CDH13: variants seen among roughly 807,000 people sequenced by gnomAD.
CDH13 encodes cadherin-13.
CDH13 carries 24 observed loss-of-function variants against 63.8 expected under a neutral mutation model. The observed-to-expected ratio is 0.38, with a 90% confidence interval of 0.27 to 0.53. The LOEUF (loss-of-function observed/expected upper bound fraction) is 0.53. Among genes scored for constraint, CDH13 ranks in the 20% least tolerant of loss-of-function variants. The pLI is 0.85. For synonymous variants in CDH13, 503 were observed against 355.3 expected, an observed-to-expected ratio of 1.42 and a Z score of -4.67; for missense variants, 1,049 against 903.1, an observed-to-expected ratio of 1.16 and a Z score of -2.07.
intron 2 of CDH13, among the ~76,000 whole-genome samples, chr16:83,014,749 T>A (rs1384166191): frequency 0.046 from 1,509 of 32,580 alleles, 63 homozygotes; most frequent in South Asian, 0.069. Context: ...AAAAAATATA[T>A]ATATATATAT....
intron 7 of CDH13, among the ~76,000 whole-genome samples, chr16:83,538,326 G>C (rs549648041): frequency 6.6e-6 from 1 of 152,148 alleles, no homozygotes; most frequent in Admixed American, 6.5e-5. Flanking sequence ...AGTCATCACT[G>C]TCCCCTGAAG....
intron 2 of CDH13, among the ~76,000 whole-genome samples, chr16:82,887,996 A>T (rs983692378): frequency 2.6e-5 from 4 of 152,166 alleles, no homozygotes; most frequent in African/African-American, 2.4e-5. Context: ...ACACACTGTT[A>T]CTTCAGAAAA....
intron 2 of CDH13, among the ~76,000 whole-genome samples, chr16:82,899,742 T>G (rs1392096541): frequency 6.6e-6 from 1 of 152,114 alleles, no homozygotes; most frequent in Non-Finnish European, 1.5e-5. Context: ...GTGGACACAT[T>G]CCTTTGTCAA....
chr16:83,692,130 G>A (rs1257834549), intron 10 of CDH13, among the ~76,000 whole-genome samples: 2 of 152,186 alleles, frequency 1.3e-5, no homozygotes, highest in Non-Finnish European at 2.9e-5. Flanking sequence ...TGCCCTGTGT[G>A]TGCAATTACC....
intron 2 of CDH13, among the ~76,000 whole-genome samples, chr16:82,925,576 G>A (rs1378277085): frequency 1.3e-5 from 2 of 152,192 alleles, no homozygotes; most frequent in Non-Finnish European, 2.9e-5. Context: ...AGCCATTGTG[G>A]CAGATGAAGA....
rs556880362 is a variant in CDH13 at position 82,862,868 on chromosome 16, C to T, written c.157+4395C>T. ...GCCCTCCATGCAAGAACCTGATGGC[C>T]GAGGCTACTTCCAACTTGGTCCTAC... On this transcript the variant is annotated intron_variant, in intron 2 of 13. Transcript: ENST00000567109. 5.3e-5 allele frequency among the ~76,000 whole-genome samples: 8 copies of T among 152,268 alleles called. No homozygotes were observed. The East Asian group carries it at 1.2e-3, about 22-fold the overall frequency.
At chr16:83,708,073 A>T (rs1007113393) in intron 10 of CDH13, among the ~76,000 whole-genome samples, 1 of 152,140 alleles carries the variant, frequency 6.6e-6, no homozygotes, top group Non-Finnish European at 1.5e-5. Context: ...AGGCTCTTCC[A>T]GCCAGCAGTG....
At chr16:83,770,949 C>T (rs1173117499) in intron 11 of CDH13, among the ~76,000 whole-genome samples, 1 of 152,168 alleles carries the variant, frequency 6.6e-6, no homozygotes, top group Non-Finnish European at 1.5e-5. Flanking sequence ...TACCCAGCAC[C>T]TATTCAAGAT....
intron 2 of CDH13, among the ~76,000 whole-genome samples, chr16:82,983,873 G>A (rs544129379): frequency 1.2e-4 from 18 of 152,312 alleles, no homozygotes; most frequent in East Asian, 1.2e-3. Flanking sequence ...TCAGCAGAGG[G>A]AAAAATGGGT....
chr16:83,693,297 A>T (rs1401274136), intron 10 of CDH13, among the ~76,000 whole-genome samples: 1 of 152,220 alleles, frequency 6.6e-6, no homozygotes, highest in Non-Finnish European at 1.5e-5. Flanking sequence ...ACAGAATAAA[A>T]GAATTCAGGG....
rs1555507119 is a variant in CDH13, at chr16:83,634,115, T to TGTG, written c.1101+31521_1101+31522insGTG. Among the ~76,000 whole-genome samples, 17 of 135,680 alleles carry TGTG rather than the reference T, an allele frequency of 1.3e-4. 1 individual carries two copies. The Admixed American group carries it at 1.3e-3, about 10-fold the overall frequency. 89.0% of individuals were successfully genotyped at this position (135,680 alleles called of 152,430 possible). A position where few individuals can be genotyped will look rare whatever the true frequency, so the allele number is the denominator to read the frequency against. ...AAGTCTCCACCCATTTTTGTGTGTTTTCTGTGTGTGTGTGTGTGTATGTGT... is the reference window on the plus strand; with the variant it reads ...AAGTCTCCACCCATTTTTGTGTGTTTGTGTCTGTGTGTGTGTGTGTGTATGTGT... On this transcript the variant is annotated intron_variant, in intron 8 of 13. Coordinates refer to ENST00000567109, the MANE Select transcript of CDH13 (RefSeq NM_001257.5).
chr16:82,986,192 T>C (rs1251870665), intron 2 of CDH13, among the ~76,000 whole-genome samples: 3 of 152,226 alleles, frequency 2.0e-5, no homozygotes, highest in Non-Finnish European at 4.4e-5. Context: ...CCAGGCACTC[T>C]GTAGAGATCA....
intron 1 of CDH13, among the ~76,000 whole-genome samples, chr16:82,675,880 C>G (rs916362849): frequency 6.6e-6 from 1 of 152,210 alleles, no homozygotes; most frequent in East Asian, 1.9e-4. Flanking sequence ...CCGCGCTAAG[C>G]AGTTCTGAAC....
chr16:83,261,267 C>T (rs1906956225), intron 5 of CDH13, among the ~76,000 whole-genome samples: 1 of 152,178 alleles, frequency 6.6e-6, no homozygotes, highest in Non-Finnish European at 1.5e-5. Context: ...AGTGCTTTTG[C>T]TAAACACCAA....
At chr16:83,223,329 G>A (rs2039752307) in intron 5 of CDH13, among the ~76,000 whole-genome samples, 1 of 152,208 alleles carries the variant, frequency 6.6e-6, no homozygotes, top group Non-Finnish European at 1.5e-5. Flanking sequence ...AGGGCCAAAA[G>A]ACAGCACCTA....
chr16:82,697,550 T>C (rs2030472166), intron 1 of CDH13, among the ~76,000 whole-genome samples: 1 of 146,388 alleles, frequency 6.8e-6, no homozygotes, highest in Non-Finnish European at 1.5e-5. Context: ...TGCCTCAGCC[T>C]CCTGAGTAGC....
At chr16:82,639,846 T>C (rs1909166894) in intron 1 of CDH13, among the ~76,000 whole-genome samples, 1 of 152,262 alleles carries the variant, frequency 6.6e-6, no homozygotes, top group African/African-American at 2.4e-5. Flanking sequence ...AATCCTGTTC[T>C]GGTGGACAGA....
chr16:83,375,303 TG>T (rs2091440478), intron 6 of CDH13, among the ~76,000 whole-genome samples: 1 of 152,222 alleles, frequency 6.6e-6, no homozygotes. Flanking sequence ...GAGGCCCCCT[TG>T]GGCCACAGCA....
intron 8 of CDH13, among the ~76,000 whole-genome samples, chr16:83,618,462 T>TCATTCAATA (rs1237958659): frequency 6.6e-6 from 1 of 150,854 alleles, no homozygotes; most frequent in Non-Finnish European, 1.5e-5. Context: ...GGAAGGCATC[T>TCATTCAATA]CATTCAATAC....
Sources: allele counts gnomAD v4.1 joint callset (sites outside exome capture counted in the v4.1 genomes callset), GRCh38; gene constraint gnomAD v4.1.1; transcripts MANE v1.5; gene names NCBI Gene and HGNC (gene_info 2026-07-23, HGNC 2026-07-21).